The following RARS2 variants were observed in gnomAD, a reference collection of about 807,000 sequenced individuals.
RARS2 encodes the protein arginyl-tRNA synthetase 2, mitochondrial, also known as probable arginine--tRNA ligase, mitochondrial.
Under a neutral mutation model 88.5 loss-of-function variants are expected in RARS2, and 67 were observed. That is an observed-to-expected ratio of 0.76 (90% CI 0.62 to 0.93). RARS2 has a LOEUF of 0.93. RARS2 is among the 40% of genes least tolerant of loss of function. RARS2 has a pLI of 0.00. For missense variants in RARS2, 664 were observed against 684.2 expected, an observed-to-expected ratio of 0.97 and a Z score of 0.33; for synonymous variants, 239 against 230.3, an observed-to-expected ratio of 1.04 and a Z score of -0.34.
At chr6:87,536,651 G>A (rs367966210) in intron 8 of RARS2, among the ~76,000 whole-genome samples, 6 of 146,682 alleles carry the variant, frequency 4.1e-5, no homozygotes, top group East Asian at 2.0e-4. Flanking sequence ...AAAAAAAAAA[G>A]AAAGAAAAAA....
intron 12 of RARS2, 49 bp downstream of exon 12, chr6:87,521,413 CTG>C (rs775365043): frequency 7.2e-7 from 1 of 1,380,524 alleles, no homozygotes; most frequent in South Asian, 1.2e-5. Flanking sequence ...ATTTCTACCT[CTG>C]TAGTTTTCAT....
At chr6:87,540,044 GGAAA>G (rs568842215) in intron 8 of RARS2, among the ~76,000 whole-genome samples, 572 of 152,066 alleles carry the variant, frequency 3.8e-3, no homozygotes, top group Non-Finnish European at 5.6e-3. Context: ...ACTCTTAATG[GGAAA>G]GAGAGAAGAA....
At chr6:87,538,131 A>G (rs992687283) in intron 8 of RARS2, among the ~76,000 whole-genome samples, 1 of 152,252 alleles carries the variant, frequency 6.6e-6, no homozygotes, top group African/African-American at 2.4e-5. Context: ...ATTTGCATAT[A>G]TAATAACCTG....
At chr6:87,540,450 A>T (rs1780561088) in intron 8 of RARS2, among the ~76,000 whole-genome samples, 1 of 151,336 alleles carries the variant, frequency 6.6e-6, no homozygotes, top group Admixed American at 6.6e-5. Context: ...ACTCCTCAAA[A>T]AAAAAAAAAA....
chr6:87,569,481 C>T (rs1768936845), intron 2 of RARS2, 36 bp downstream of exon 2: 1 of 1,511,188 alleles, frequency 6.6e-7, no homozygotes, highest in Non-Finnish European at 9.2e-7. Flanking sequence ...AAGTCAGCAA[C>T]ATTTTATAGA....
rs748335175 is a variant in RARS2 at position 87,589,933 on chromosome 6, T to C, written c.25A>G (p.Ile9Val). ...TCCGGGATCCATACCTGGCAAGCAA[T>C]AGCGCGGCGAAAGCCGCACGCCATG... MACGFRRA[I>V]ACQLSRVLNL... The change falls in exon 1 of 20, where the codon ATT becomes GTT. Residue 9 changes from isoleucine (I) to valine (V), a missense_variant. Physicochemically the swap from Ile to Val is conservative, Grantham distance 29. Transcript: ENST00000369536. The C allele has an allele frequency of 3.7e-5, 60 of 1,613,912 alleles. No individual in the cohort carries two copies. The highest frequency in any genetic ancestry group is 5.3e-5 in the African/African-American group (4 of 74,944).
rs1466163253 is a variant in RARS2 at position 87,514,228 on chromosome 6, T to G, written c.*185A>C. The G allele has an allele frequency of 9.0e-6, 4 of 442,296 alleles. No individual in the cohort carries two copies. In the East Asian group the frequency reaches 1.4e-4, roughly 16 times the overall value. 27.4% of individuals were successfully genotyped at this position (442,296 alleles called of 1,614,324 possible). A position where few individuals can be genotyped will look rare whatever the true frequency, so the allele number is the denominator to read the frequency against. ...CAGGAGGCTGAGGCAGGAGAATTGC[T>G]TGAACCTGGGAGGTGGAGGTTGCAG... On this transcript the variant is annotated 3_prime_UTR_variant, in exon 20 of 20. Coordinates refer to ENST00000369536, the MANE Select transcript of RARS2 (RefSeq NM_020320.5).
Position 87,568,658 on chromosome 6 carries a change from T to C in RARS2, c.110+859A>G, listed in dbSNP as rs538606869. Among the ~76,000 whole-genome samples, 10 of 152,336 alleles carry C rather than the reference T, an allele frequency of 6.6e-5. No individual in the cohort carries two copies. The East Asian group carries it at 1.9e-3, about 29-fold the overall frequency. ...CTGCCTCTCTTACAGAAAGTCAATA[T>C]AAAAAGCCGCAGTGGGCCATTTTAA... is the stretch of plus-strand genomic sequence containing the variant. On this transcript the variant is annotated intron_variant, in intron 2 of 19. Coordinates refer to ENST00000369536, the MANE Select transcript of RARS2 (RefSeq NM_020320.5).
At chr6:87,519,823 TTAA>T (rs1773266804) in intron 13 of RARS2, 116 bp from the exon 14 acceptor site, 7 of 1,239,512 alleles carry the variant, frequency 5.6e-6, no homozygotes, top group Admixed American at 1.9e-5. Context: ...TTTTTAAAAA[TTAA>T]TAAAATGAAA....
chr6:87,549,461 C>T (rs1406166769), intron 5 of RARS2, among the ~76,000 whole-genome samples: 2 of 151,624 alleles, frequency 1.3e-5, no homozygotes, highest in African/African-American at 2.4e-5. Flanking sequence ...TAAAGTAGAA[C>T]GGTAGCTTGG....
Position 87,534,778 on chromosome 6 carries a change from G to A in RARS2, c.613-3836C>T, listed in dbSNP as rs536400711. Among the ~76,000 whole-genome samples, 4 of 152,312 alleles carry A rather than the reference G, an allele frequency of 2.6e-5. No individual in the cohort carries two copies. In the East Asian group the frequency reaches 7.7e-4, roughly 29 times the overall value. On this transcript the variant is annotated intron_variant, in intron 8 of 19. Transcript: ENST00000369536. ...GGGGAAGACTTCCAGAAGAGCAGAA[G>A]CTAGGAAGCCCCTGGGGTGGTGCAG...
chr6:87,555,164 T>C (rs1785480205), intron 5 of RARS2, among the ~76,000 whole-genome samples: 1 of 151,240 alleles, frequency 6.6e-6, no homozygotes, highest in African/African-American at 2.4e-5. Flanking sequence ...AACTAGTTCT[T>C]CCAAAAAAGT....
In RARS2 at chr6:87,564,151, T is replaced by A; in HGVS notation, c.192A>T (p.Gln64His). 1 of 1,611,984 alleles carries A rather than the reference T, an allele frequency of 6.2e-7. No individual in the cohort carries two copies. The highest frequency in any genetic ancestry group is 8.5e-7 in the Non-Finnish European group (1 of 1,178,072). Residue 64 changes from glutamine to histidine, a missense_variant, in exon 3 of 20, where the codon CAA becomes CAT. Coordinates refer to ENST00000369536, the MANE Select transcript of RARS2 (RefSeq NM_020320.5). ...NDHSRPDIQV[Q>H]AKRLAEKLRC... is the part of the protein sequence containing the mutation. ...GTACCTTCTCTGCTAGTCTCTTGGC[T>A]TGAACTTGAATATCTGGTCTTGAAT...
At position 87,548,696 on chromosome 6, in the gene RARS2, A is replaced by G. The variant is rs776479254; in HGVS notation, c.396-50T>C. The G allele has an allele frequency of 2.0e-5, 30 of 1,529,236 alleles. No homozygotes were observed. The African/African-American group carries it at 3.4e-4, about 17-fold the overall frequency. 94.7% of individuals were successfully genotyped at this position (1,529,236 alleles called of 1,614,324 possible). A position where few individuals can be genotyped will look rare whatever the true frequency, so the allele number is the denominator to read the frequency against. On this transcript the variant is annotated intron_variant, in intron 5 of 19. Coordinates refer to ENST00000369536, the MANE Select transcript of RARS2 (RefSeq NM_020320.5). ...CTCTATTCTAAGACTTAAGACTTCT[A>G]AGAATCAACTAGGTCATGCCTCCAT...
chr6:87,535,671 G>GTTTTTTTTTTTTTTT (rs33991266), intron 8 of RARS2, among the ~76,000 whole-genome samples: 2 of 129,970 alleles, frequency 1.5e-5, no homozygotes, highest in Non-Finnish European at 3.2e-5. Context: ...TTATGTAACT[G>GTTTTTTTTTTTTTTT]TTTTGTTTTT....
At chr6:87,568,903 T>C (rs1213161267) in intron 2 of RARS2, among the ~76,000 whole-genome samples, 1 of 152,248 alleles carries the variant, frequency 6.6e-6, no homozygotes, top group Non-Finnish European at 1.5e-5. Flanking sequence ...TCATTATTAA[T>C]TGACAGACAA....
chr6:87,522,285 G>A (rs1407086165), intron 11 of RARS2, among the ~76,000 whole-genome samples: 4 of 137,870 alleles, frequency 2.9e-5, no homozygotes, highest in Non-Finnish European at 6.0e-5. Flanking sequence ...AGCGAAGATC[G>A]CACCACTGCA....
chr6:87,585,962 C>A (rs1185244967), intron 1 of RARS2, among the ~76,000 whole-genome samples: 1 of 152,136 alleles, frequency 6.6e-6, no homozygotes, highest in South Asian at 2.1e-4. Context: ...AACAAATTAA[C>A]ATTGTAGCTA....
chr6:87,556,518 G>A (rs1209999219), intron 4 of RARS2, among the ~76,000 whole-genome samples: 4 of 151,852 alleles, frequency 2.6e-5, no homozygotes, highest in Non-Finnish European at 5.9e-5. Flanking sequence ...AGGGCACAGT[G>A]GATCACGCCT....
Sources: allele counts gnomAD v4.1 joint callset (sites outside exome capture counted in the v4.1 genomes callset), GRCh38; gene constraint gnomAD v4.1.1; transcripts MANE v1.5; gene names NCBI Gene and HGNC (gene_info 2026-07-23, HGNC 2026-07-21).